MFHAS1: variants seen among roughly 807,000 people sequenced by gnomAD.
MFHAS1 encodes the protein multifunctional ROCO family signaling regulator 1.
In MFHAS1, 50 loss-of-function variants were observed where a neutral mutation model predicts 70.4. That is an observed-to-expected ratio of 0.71 (90% CI 0.57 to 0.90). The LOEUF (loss-of-function observed/expected upper bound fraction) is 0.90, where lower values mean the gene tolerates loss of function less well. MFHAS1 is among the 40% of genes least tolerant of loss of function. The probability of loss-of-function intolerance (pLI) is 0.00; values close to 1 mark genes in which losing one functional copy is unlikely to be tolerated. For synonymous variants in MFHAS1, 952 were observed against 620.0 expected (o/e 1.54, Z -7.96); for missense variants, 1,795 against 1,347.6 (o/e 1.33, Z -5.20).
At position 8,891,161 on chromosome 8, in the gene MFHAS1, C is replaced by T; in HGVS notation, c.1898G>A (p.Arg633His). 6.2e-7 allele frequency: 1 copy of T among 1,613,490 alleles called. No individual in the cohort carries two copies. Among genetic ancestry groups the T allele is most frequent in the Non-Finnish European group, 8.5e-7 (1 of 1,180,020 alleles). ...PVLPVSCRDP[R>H]HLRRLRDKLL... ...CTTGTCCCGAAGGCGTCGTAAGTGG[C>T]GCGGGTCCCTGCAGCTAACAGGCAA... Residue 633 changes from arginine to histidine, a missense_variant, in exon 1 of 3, where the codon CGC (arginine) becomes CAC (histidine). Physicochemically the swap from Arg to His is conservative, Grantham distance 29 (BLOSUM62 0). Coordinates refer to ENST00000276282, the MANE Select transcript of MFHAS1 (RefSeq NM_004225.3). This position sits in a 1 kb window ranked among gnomAD's most constrained non-coding sequence, Gnocchi z 5.4.
At chr8:8,856,032 T>C (rs1808425869) in intron 1 of MFHAS1, among the ~76,000 whole-genome samples, 1 of 152,186 alleles carries the variant, frequency 6.6e-6, no homozygotes, top group South Asian at 2.1e-4. Flanking sequence ...TTTTGTGCTT[T>C]GAAAGCGAGC....
chr8:8,859,090 T>G (rs1808563976), intron 1 of MFHAS1, among the ~76,000 whole-genome samples: 1 of 152,232 alleles, frequency 6.6e-6, no homozygotes, highest in South Asian at 2.1e-4. Flanking sequence ...TGATGGCTCA[T>G]GCCTGTAATC....
chr8:8,877,467 T>A (rs923879296), intron 1 of MFHAS1, among the ~76,000 whole-genome samples: 1 of 152,184 alleles, frequency 6.6e-6, no homozygotes, highest in African/African-American at 2.4e-5. Context: ...AATTTGCCTT[T>A]ATTGCAGGGT....
intron 1 of MFHAS1, among the ~76,000 whole-genome samples, chr8:8,888,745 G>T (rs897764168): frequency 1.3e-5 from 2 of 152,122 alleles, no homozygotes; most frequent in South Asian, 4.1e-4. Context: ...TAAAGCAGTA[G>T]AACTACTCTG....
intron 1 of MFHAS1, among the ~76,000 whole-genome samples, chr8:8,825,523 C>G (rs935592949): frequency 2.0e-4 from 30 of 152,270 alleles, no homozygotes; most frequent in Admixed American, 1.8e-3. Context: ...AGTCCAAGAT[C>G]AAGGTGCTGG....
At chr8:8,799,398 A>T in intron 1 of MFHAS1, among the ~76,000 whole-genome samples, 1 of 152,352 alleles carries the variant, frequency 6.6e-6, no homozygotes, top group Middle Eastern at 3.4e-3. Flanking sequence ...AGAAAGTGAA[A>T]CCATGGATAA....
intron 1 of MFHAS1, among the ~76,000 whole-genome samples, chr8:8,832,159 G>C (rs1472698099): frequency 6.7e-6 from 1 of 149,670 alleles, no homozygotes; most frequent in African/African-American, 2.5e-5. Flanking sequence ...TCTAGGTGAA[G>C]GTCTTCTTAA....
chr8:8,862,186 A>T (rs556198637), intron 1 of MFHAS1, among the ~76,000 whole-genome samples: 21 of 152,292 alleles, frequency 1.4e-4, no homozygotes, highest in African/African-American at 4.8e-4. Flanking sequence ...GCTCCTCGTC[A>T]ACATTTGGTA....
At position 8,892,239 on chromosome 8, in the gene MFHAS1, G is replaced by A; in HGVS notation, c.820C>T (p.Arg274Trp). 1 of 1,611,340 alleles carries A rather than the reference G, an allele frequency of 6.2e-7. No individual in the cohort carries two copies. Among genetic ancestry groups the A allele is most frequent in the Non-Finnish European group, 8.5e-7 (1 of 1,180,020 alleles). The change falls in exon 1 of 3, where the codon CGG (arginine) becomes TGG (tryptophan). Residue 274 changes from arginine (R) to tryptophan (W), a missense_variant. Transcript: ENST00000276282. This position sits in a 1 kb window ranked among gnomAD's most constrained non-coding sequence, Gnocchi z 4.7. ...GAGGAGAGGTTGAGCATTTTGAGCCGCTGCAGGCAGCTGAACTGGGCGGGC... is the reference window on the plus strand; with the variant it reads ...GAGGAGAGGTTGAGCATTTTGAGCCACTGCAGGCAGCTGAACTGGGCGGGC... The part of the protein sequence containing the change: ...ALPAQFSCLQ[R>W]LKMLNLSSNL...
chr8:8,841,791 C>T (rs1202946637), intron 1 of MFHAS1, among the ~76,000 whole-genome samples: 1 of 152,100 alleles, frequency 6.6e-6, no homozygotes, highest in Non-Finnish European at 1.5e-5. Flanking sequence ...TTGGGTTGAA[C>T]CAAAAAGACT....
At chr8:8,794,943 G>T (rs982373438) in intron 2 of MFHAS1, among the ~76,000 whole-genome samples, 3 of 152,148 alleles carry the variant, frequency 2.0e-5, no homozygotes, top group South Asian at 2.1e-4. Context: ...TGGTCTTTCT[G>T]CGGCAGTACA....
At chr8:8,843,160 T>C (rs946775767) in intron 1 of MFHAS1, among the ~76,000 whole-genome samples, 1 of 151,450 alleles carries the variant, frequency 6.6e-6, no homozygotes, top group Non-Finnish European at 1.5e-5. Context: ...TCCCAGCTAC[T>C]CGGGAGGCTG....
chr8:8,822,097 C>G (rs1806977129), intron 1 of MFHAS1: 1 of 152,420 alleles, frequency 6.6e-6, no homozygotes, highest in African/African-American at 2.4e-5. Flanking sequence ...ACACACAAGA[C>G]GAGGACTCTC....
intron 1 of MFHAS1, among the ~76,000 whole-genome samples, chr8:8,872,765 C>G (rs757519984): frequency 1.1e-4 from 16 of 149,356 alleles, no homozygotes; most frequent in Non-Finnish European, 1.6e-4. Flanking sequence ...TTCCCTATTC[C>G]AAGGGAAAAA....
chr8:8,800,635 C>T (rs1806053973), intron 1 of MFHAS1, among the ~76,000 whole-genome samples: 1 of 152,194 alleles, frequency 6.6e-6, no homozygotes, highest in Non-Finnish European at 1.5e-5. Context: ...AGACTGCCCT[C>T]ACCTAGCTCC....
chr8:8,786,701 T>TC (rs1805555444), intron 2 of MFHAS1, among the ~76,000 whole-genome samples: 5 of 65,532 alleles, frequency 7.6e-5, no homozygotes, highest in Non-Finnish European at 3.3e-5. Context: ...TTTTTGAAAG[T>TC]GGTTTTTTTT....
chr8:8,831,261 G>T (rs1005738507), intron 1 of MFHAS1, among the ~76,000 whole-genome samples: 1 of 151,982 alleles, frequency 6.6e-6, no homozygotes, highest in African/African-American at 2.4e-5. Context: ...ATACATTGGG[G>T]GTTGGGGCTT....
chr8:8,884,472 TATA>T (rs1809672169), intron 1 of MFHAS1, among the ~76,000 whole-genome samples: 1 of 152,196 alleles, frequency 6.6e-6, no homozygotes, highest in South Asian at 2.1e-4. Context: ...AAAACTTAGA[TATA>T]ATAAGGCAAG....
At chr8:8,879,933 T>C (rs989531226) in intron 1 of MFHAS1, among the ~76,000 whole-genome samples, 1 of 152,242 alleles carries the variant, frequency 6.6e-6, no homozygotes, top group African/African-American at 2.4e-5. Context: ...TTGCCAGTCA[T>C]TCCAGGAGTT....
Sources: allele counts gnomAD v4.1 joint callset (sites outside exome capture counted in the v4.1 genomes callset), GRCh38; gene constraint gnomAD v4.1.1; non-coding constraint Gnocchi (gnomAD v3.1); transcripts MANE v1.5; gene names NCBI Gene and HGNC (gene_info 2026-07-23, HGNC 2026-07-21).